LRRD1: variants seen among roughly 807,000 people sequenced by gnomAD.
LRRD1 encodes the protein leucine rich repeats and death domain containing 1, also known as leucine-rich repeat and death domain-containing protein 1.
In LRRD1, 49 loss-of-function variants were observed where a neutral mutation model predicts 69.5. The observed-to-expected ratio is 0.70, with a 90% confidence interval of 0.56 to 0.89. The LOEUF is 0.89. LRRD1 is among the 40% of genes least tolerant of loss of function. The probability of loss-of-function intolerance (pLI) is 0.00; values close to 1 mark genes in which losing one functional copy is unlikely to be tolerated. For missense variants in LRRD1, 853 were observed against 956.0 expected (o/e 0.89, Z 1.42); for synonymous variants, 303 against 338.9 (o/e 0.89, Z 1.16).
intron 1 of LRRD1, among the ~76,000 whole-genome samples, chr7:92,172,595 T>A (rs1262066332): frequency 6.6e-6 from 1 of 151,078 alleles, no homozygotes; most frequent in Non-Finnish European, 1.5e-5. Flanking sequence ...TTAGAATAGC[T>A]GCAAATAATA....
rs1313444052 is a variant in LRRD1, at chr7:92,165,065, G to A, written c.138C>T (p.Tyr46=). The change falls in exon 2 of 6, where the codon TAC becomes TAT. Residue 46 remains tyrosine (Y), a synonymous_variant. Transcript: ENST00000458448. ...TCTGGTTAGAAGATTTCCCTTCCAG[G>A]TAATCAGAAGCTTCGTTTATCAAAT... ...TSNLINEASD[Y]LEGKSSNQIY... 6.4e-7 allele frequency: 1 copy of A among 1,551,542 alleles called. No individual in the cohort carries two copies. The highest frequency in any genetic ancestry group is 1.2e-5 in the South Asian group (1 of 84,052).
intron 3 of LRRD1, among the ~76,000 whole-genome samples, chr7:92,158,372 TAAAC>T (rs777056662): frequency 4.0e-5 from 6 of 151,826 alleles, no homozygotes; most frequent in Non-Finnish European, 5.9e-5. Context: ...AATAAATAAA[TAAAC>T]AAACAGATAA....
rs1334293156 is a variant in LRRD1, at chr7:92,165,167, C to T, written c.36G>A (p.Glu12=). Residue 12 remains glutamate (E), a synonymous_variant, in exon 2 of 6, where the codon GAG becomes GAA. Coordinates refer to ENST00000458448, the MANE Select transcript of LRRD1 (RefSeq NM_001161528.2). The stretch of plus-strand genomic sequence containing the variant: ...CTTTCCTAAATTGACTAATAGTATC[C>T]TCTAGCACTTCTGACATACCCTCCT... ...SEKEGMSEVL[E]DTISQFRKES... 4 of 1,527,558 alleles carry T rather than the reference C, an allele frequency of 2.6e-6. No individual in the cohort carries two copies. Among genetic ancestry groups the T allele is most frequent in the Non-Finnish European group, 3.5e-6 (4 of 1,134,152 alleles). 94.6% of individuals were successfully genotyped at this position (1,527,558 alleles called of 1,614,324 possible).
chr7:92,160,539 C>T lies in LRRD1; in HGVS notation c.1918-1336G>A, dbSNP rs142194781. ...GAATAGCCTCTTAAGAATGAATAGG[C>T]GGCTGGGCTCGGTGGCTCACACCTG... On this transcript the variant is annotated intron_variant, in intron 2 of 5. Coordinates refer to ENST00000458448, the MANE Select transcript of LRRD1 (RefSeq NM_001161528.2). 1.8e-3 allele frequency among the ~76,000 whole-genome samples: 267 copies of T among 152,050 alleles called. 1 individual carries two copies. Among genetic ancestry groups the T allele is most frequent in the African/African-American group, 6.2e-3 (258 of 41,482 alleles).
intron 5 of LRRD1, among the ~76,000 whole-genome samples, chr7:92,145,821 C>G (rs1820311539): frequency 3.3e-5 from 5 of 152,150 alleles, no homozygotes; most frequent in Admixed American, 3.3e-4. Flanking sequence ...AGTGAAGAAA[C>G]CAAGTCATCA....
chr7:92,166,119 G>A (rs1280584077), intron 1 of LRRD1, among the ~76,000 whole-genome samples: 4 of 152,214 alleles, frequency 2.6e-5, no homozygotes, highest in Admixed American at 2.6e-4. Context: ...AGACTTCTGA[G>A]TGACTCCTGT....
In LRRD1 at chr7:92,159,134, T is replaced by C. The variant is rs1178651342; in HGVS notation, c.1987A>G (p.Ile663Val). The change falls in exon 3 of 6, where the codon ATC (isoleucine) becomes GTC (valine). Residue 663 changes from isoleucine to valine, a missense_variant. By Grantham distance (29) the Ile-to-Val change is conservative (BLOSUM62 3). Coordinates refer to ENST00000458448, the MANE Select transcript of LRRD1 (RefSeq NM_001161528.2). ...CCTATATTTCTTGGAATCTCTCTGATTGCATTATTTGAGATATCAAGTTCT... is the reference window on the plus strand; with the variant it reads ...CCTATATTTCTTGGAATCTCTCTGACTGCATTATTTGAGATATCAAGTTCT... The part of the protein sequence containing the change: ...LKELDISNNA[I>V]REIPRNIGEL... 1 of 1,546,940 alleles carries C rather than the reference T, an allele frequency of 6.5e-7. No individual in the cohort carries two copies. Among genetic ancestry groups the C allele is most frequent in the Admixed American group, 2.0e-5 (1 of 49,976 alleles).
chr7:92,144,631 A>C (rs1820268115), downstream of LRRD1, among the ~76,000 whole-genome samples: 1 of 55,230 alleles, frequency 1.8e-5, no homozygotes, highest in Admixed American at 1.6e-4. Flanking sequence ...TCCATCTCAA[A>C]AAAAAAAAAA....
At chr7:92,151,166 T>G (rs1008558384) in intron 3 of LRRD1, among the ~76,000 whole-genome samples, 1 of 152,222 alleles carries the variant, frequency 6.6e-6, no homozygotes, top group Admixed American at 6.5e-5. Flanking sequence ...TTTGGATTCA[T>G]TAGTTTTTCC....
At chr7:92,172,133 G>C (rs1789070455) in intron 1 of LRRD1, among the ~76,000 whole-genome samples, 1 of 151,810 alleles carries the variant, frequency 6.6e-6, no homozygotes, top group Non-Finnish European at 1.5e-5. Context: ...TCAAAAAAAA[G>C]AAAAAACAAA....
chr7:92,175,541 G>C (rs541373174), intron 1 of LRRD1, among the ~76,000 whole-genome samples: 1 of 152,090 alleles, frequency 6.6e-6, no homozygotes, highest in Non-Finnish European at 1.5e-5. Context: ...CCAGCTACTC[G>C]GGAGGCTGAG....
Position 92,165,089 on chromosome 7 carries a change from A to T in LRRD1, c.114T>A (p.Asn38Lys). The change falls in exon 2 of 6, where the codon AAT becomes AAA. Residue 38 changes from asparagine to lysine, a missense_variant. Physicochemically the swap from Asn to Lys is moderately conservative, Grantham distance 94. Coordinates refer to ENST00000458448, the MANE Select transcript of LRRD1 (RefSeq NM_001161528.2). ...KEPGFIKETS[N>K]LINEASDYLE... Reference sequence around the variant, plus strand: ...GGTAATCAGAAGCTTCGTTTATCAAATTTGATGTTTCTTTAATAAAGCCAG... The same window carrying T: ...GGTAATCAGAAGCTTCGTTTATCAATTTTGATGTTTCTTTAATAAAGCCAG... The T allele has an allele frequency of 6.4e-7, 1 of 1,551,586 alleles. No individual in the cohort carries two copies. Among genetic ancestry groups the T allele is most frequent in the African/African-American group, 1.4e-5 (1 of 73,138 alleles).
Position 92,146,070 on chromosome 7 carries a change from C to A in LRRD1, c.2396+13G>T. On this transcript the variant is annotated intron_variant, in intron 5 of 5. Transcript: ENST00000458448. Reference sequence around the variant, plus strand: ...AGAATAAATTTGTACTAAATGCTGTCATTTATACATACCTCTTTGTAGGCA... The same window carrying A: ...AGAATAAATTTGTACTAAATGCTGTAATTTATACATACCTCTTTGTAGGCA... 1.5e-6 allele frequency: 2 copies of A among 1,362,000 alleles called. No homozygotes were observed. The highest frequency in any genetic ancestry group is 1.4e-5 in the South Asian group (1 of 71,448). The allele number at this position is 1,362,000 out of a possible 1,614,324, so 84.4% of individuals were successfully genotyped here. A position where few individuals can be genotyped will look rare whatever the true frequency, so the allele number is the denominator to read the frequency against.
At position 92,163,301 on chromosome 7, in the gene LRRD1, C is replaced by G; in HGVS notation, c.1902G>C (p.Gln634His). The G allele has an allele frequency of 6.8e-7, 1 of 1,470,360 alleles. No individual in the cohort carries two copies. The allele number at this position is 1,470,360 out of a possible 1,614,324, so 91.1% of individuals were successfully genotyped here. A position where few individuals can be genotyped will look rare whatever the true frequency, so the allele number is the denominator to read the frequency against. The change falls in exon 2 of 6, where the codon CAG becomes CAC. Residue 634 changes from glutamine (Q) to histidine (H), a missense_variant. Physicochemically the swap from Gln to His is conservative, Grantham distance 24. Around this residue, in one of 3 missense-constraint regions of LRRD1, gnomAD observed 739 missense variants for 808.0 expected, o/e 0.91. Transcript: ENST00000458448. ...AGTCTCTTACCTTTCTCCCTTTTAT[C>G]TGACTTATATTCAGCTGTTCCAGTG... ...LQSLEQLNIS[Q>H]IKGRKLTRLP...
chr7:92,143,736 C>T (rs941204039), downstream of LRRD1, among the ~76,000 whole-genome samples: 1 of 152,214 alleles, frequency 6.6e-6, no homozygotes, highest in Non-Finnish European at 1.5e-5. Flanking sequence ...CTGAGGGAGC[C>T]GGTTCCGGCC....
intron 5 of LRRD1, among the ~76,000 whole-genome samples, chr7:92,145,430 T>C (rs1820294309): frequency 6.6e-6 from 1 of 150,814 alleles, no homozygotes; most frequent in South Asian, 2.1e-4. Flanking sequence ...ACTGCTACTA[T>C]ACTATATGCT....
intron 4 of LRRD1, among the ~76,000 whole-genome samples, chr7:92,147,467 G>A (rs562859255): frequency 4.0e-5 from 5 of 123,940 alleles, no homozygotes; most frequent in East Asian, 2.1e-4. Context: ...TTTTATGTGC[G>A]TGGGTGTGTT....
intron 2 of LRRD1, among the ~76,000 whole-genome samples, chr7:92,160,434 C>T (rs1788771922): frequency 6.6e-6 from 1 of 152,100 alleles, no homozygotes. Context: ...CAATTAATAA[C>T]TGATGAATGA....
intron 1 of LRRD1, among the ~76,000 whole-genome samples, chr7:92,175,342 T>G (rs1340663658): frequency 6.6e-6 from 1 of 151,984 alleles, no homozygotes; most frequent in Non-Finnish European, 1.5e-5. Context: ...ATTGAGTAAT[T>G]TGAGGAAACT....
Sources: gnomAD v4.1 joint callset for allele counts (sites outside exome capture counted in the v4.1 genomes callset) on GRCh38, gnomAD v4.1.1 for gene constraint, gnomAD v4.1.1 regional missense constraint, MANE v1.5 for transcripts, NCBI Gene and HGNC (gene_info 2026-07-23, HGNC 2026-07-21) for gene names.